The following SHC3 variants were observed in gnomAD, a reference collection of about 807,000 sequenced individuals.
The protein encoded by SHC3 is SHC adaptor protein 3.
Under a neutral mutation model 60.4 loss-of-function variants are expected in SHC3, and 15 were observed. That is an observed-to-expected ratio of 0.25 (90% CI 0.17 to 0.38). The LOEUF (loss-of-function observed/expected upper bound fraction) is 0.38, where lower values mean the gene tolerates loss of function less well. SHC3 is among the 10% of genes least tolerant of loss of function. The probability of loss-of-function intolerance (pLI) is 1.00; values close to 1 mark genes in which losing one functional copy is unlikely to be tolerated. For synonymous variants in SHC3, 294 were observed against 325.9 expected, an observed-to-expected ratio of 0.90 and a Z score of 1.05; for missense variants, 677 against 786.1, an observed-to-expected ratio of 0.86 and a Z score of 1.66.
intron 6 of SHC3, among the ~76,000 whole-genome samples, chr9:89,058,448 T>A (rs558937119): frequency 1.5e-5 from 2 of 129,678 alleles, no homozygotes; most frequent in African/African-American, 6.0e-5. Flanking sequence ...TGGTGGAGGA[T>A]GATGGTGGAG....
chr9:89,145,671 G>A (rs925408059), intron 1 of SHC3, among the ~76,000 whole-genome samples: 4 of 152,184 alleles, frequency 2.6e-5, no homozygotes, highest in Non-Finnish European at 5.9e-5. Context: ...CATTTGAAAA[G>A]TTGCACTAAA....
chr9:89,086,709 C>CT (rs748012068), intron 2 of SHC3, among the ~76,000 whole-genome samples: 1 of 152,190 alleles, frequency 6.6e-6, no homozygotes, highest in Non-Finnish European at 1.5e-5. Context: ...TCTAACCCTG[C>CT]TTTGATTTTT....
At chr9:89,132,851 A>C (rs1165627713) in intron 1 of SHC3, among the ~76,000 whole-genome samples, 3 of 152,234 alleles carry the variant, frequency 2.0e-5, no homozygotes, top group Non-Finnish European at 4.4e-5. Context: ...AGGCATGGGC[A>C]AGGACTTCAT....
chr9:89,112,664 T>C (rs768915328), intron 1 of SHC3, 38 bp from the exon 2 acceptor site: 34 of 1,553,490 alleles, frequency 2.2e-5, no homozygotes, highest in Non-Finnish European at 2.9e-5. Context: ...AGCCCTGAGA[T>C]TTGAGATAAA....
chr9:89,071,174 A>G, intron 5 of SHC3, 25 bp downstream of exon 5: 3 of 1,612,790 alleles, frequency 1.9e-6, no homozygotes, highest in Non-Finnish European at 2.5e-6. Flanking sequence ...AACAAGAGCA[A>G]GAGACCAACC....
intron 11 of SHC3, among the ~76,000 whole-genome samples, chr9:89,022,399 G>A (rs572094923): frequency 2.3e-3 from 355 of 152,250 alleles, no homozygotes; most frequent in Non-Finnish European, 3.8e-3. Flanking sequence ...GGCGGGATAG[G>A]TAGTCAAGGA....
intron 6 of SHC3, among the ~76,000 whole-genome samples, chr9:89,063,407 C>T (rs561397435): frequency 3.9e-4 from 60 of 152,308 alleles, no homozygotes; most frequent in African/African-American, 1.4e-3. Context: ...GGATTACAGG[C>T]GTGAGCCACC....
chr9:89,078,683 A>G (rs1419579258), intron 2 of SHC3, among the ~76,000 whole-genome samples: 20 of 152,266 alleles, frequency 1.3e-4, no homozygotes, highest in South Asian at 2.1e-4. Context: ...GCAGGAAGGG[A>G]ATGCTGGAGA....
chr9:89,093,297 C>T (rs775256220), intron 2 of SHC3, among the ~76,000 whole-genome samples: 7 of 152,068 alleles, frequency 4.6e-5, no homozygotes, highest in Admixed American at 2.6e-4. Flanking sequence ...GTTCCATTTA[C>T]AGGAAATTCT....
At chr9:89,052,602 G>A (rs1824879542) in intron 6 of SHC3, among the ~76,000 whole-genome samples, 1 of 152,200 alleles carries the variant, frequency 6.6e-6, no homozygotes, top group Admixed American at 6.5e-5. Context: ...TCTGTTGAGT[G>A]AATCTTGATT....
chr9:89,106,122 A>C (rs1245084788), intron 2 of SHC3, among the ~76,000 whole-genome samples: 1 of 152,056 alleles, frequency 6.6e-6, no homozygotes, highest in Non-Finnish European at 1.5e-5. Flanking sequence ...AGCCCTAGAG[A>C]GGTCAATCTC....
intron 6 of SHC3, among the ~76,000 whole-genome samples, chr9:89,057,087 C>T (rs1230232374): frequency 6.6e-6 from 1 of 152,168 alleles, no homozygotes. Context: ...CATGGGGAAC[C>T]TTGGAGATAT....
intron 1 of SHC3, among the ~76,000 whole-genome samples, chr9:89,165,621 T>C (rs1024609670): frequency 2.0e-5 from 3 of 149,474 alleles, no homozygotes; most frequent in Admixed American, 6.6e-5. Flanking sequence ...AAATGAGAGG[T>C]TGGTGACAAC....
At chr9:89,033,407 T>C (rs1016415301) in intron 11 of SHC3, among the ~76,000 whole-genome samples, 1 of 152,216 alleles carries the variant, frequency 6.6e-6, no homozygotes, top group Admixed American at 6.5e-5. Flanking sequence ...TGCTTGGGTA[T>C]CTTCTCCCCT....
At chr9:89,115,413 T>C (rs2118123848) in intron 1 of SHC3, among the ~76,000 whole-genome samples, 1 of 152,226 alleles carries the variant, frequency 6.6e-6, no homozygotes, top group African/African-American at 2.4e-5. Flanking sequence ...AACACCACAT[T>C]CACTGTCAGA....
intron 1 of SHC3, 30 bp downstream of exon 1, chr9:89,177,957 G>GC: frequency 1.7e-6 from 2 of 1,203,216 alleles, no homozygotes; most frequent in Non-Finnish European, 2.1e-6. Flanking sequence ...AGAACCCCCA[G>GC]CCCCCAGGGC....
intron 8 of SHC3, 127 bp downstream of exon 8, chr9:89,046,717 A>C (rs1477014933): frequency 8.8e-7 from 1 of 1,134,406 alleles, no homozygotes; most frequent in African/African-American, 1.6e-5. Flanking sequence ...CAGTGAGAGA[A>C]AGCTCATGAT....
chr9:89,039,055 G>A (rs912076903), intron 10 of SHC3, among the ~76,000 whole-genome samples: 6 of 152,216 alleles, frequency 3.9e-5, no homozygotes, highest in Non-Finnish European at 7.3e-5. Flanking sequence ...CCCGATGTTC[G>A]ATTTTCACAT....
At chr9:89,144,632 G>A (rs1298996168) in intron 1 of SHC3, among the ~76,000 whole-genome samples, 6 of 151,934 alleles carry the variant, frequency 3.9e-5, no homozygotes, top group Admixed American at 3.9e-4. Flanking sequence ...AGGGGAATTT[G>A]GTTTTTGATC....
Sources: allele counts gnomAD v4.1 joint callset (sites outside exome capture counted in the v4.1 genomes callset), GRCh38; gene constraint gnomAD v4.1.1; transcripts MANE v1.5; gene names NCBI Gene and HGNC (gene_info 2026-07-23, HGNC 2026-07-21).